CBFB: variants seen among roughly 807,000 people sequenced by gnomAD.
CBFB encodes the protein core-binding factor subunit beta.
In CBFB, 9 loss-of-function variants were observed where a neutral mutation model predicts 30.4. The ratio of observed to expected loss-of-function variants is 0.30; its 90% CI spans 0.18 to 0.52. The LOEUF is 0.52. CBFB is among the 20% of genes least tolerant of loss of function. The pLI is 0.97. For missense variants in CBFB, 170 were observed against 244.0 expected (o/e 0.70, Z 2.02); for synonymous variants, 94 against 84.0 (o/e 1.12, Z -0.65).
At chr16:67,082,126 C>G (rs773015583) in intron 4 of CBFB, 87 bp from the exon 5 acceptor site, 67 of 993,458 alleles carry the variant, frequency 6.7e-5, no homozygotes, top group Admixed American at 9.5e-5. Flanking sequence ...GCCACTGTTT[C>G]AGGAAAAAAA....
intron 4 of CBFB, among the ~76,000 whole-genome samples, chr16:67,075,655 T>C (rs1257200603): frequency 6.6e-6 from 1 of 152,184 alleles, no homozygotes; most frequent in Non-Finnish European, 1.5e-5. Context: ...TCACAAAATA[T>C]GTGCTAGGAC....
At chr16:67,041,364 G>A (rs1195489706) in intron 3 of CBFB, among the ~76,000 whole-genome samples, 1 of 152,210 alleles carries the variant, frequency 6.6e-6, no homozygotes, top group African/African-American at 2.4e-5. Flanking sequence ...CTTGGTGAGA[G>A]ACCAGGGTGG....
intron 5 of CBFB, among the ~76,000 whole-genome samples, chr16:67,083,611 T>C (rs1168075124): frequency 1.3e-5 from 2 of 152,178 alleles, no homozygotes; most frequent in Non-Finnish European, 2.9e-5. Flanking sequence ...TATTTCAGTT[T>C]TTATAGTTAA....
At chr16:67,090,021 G>C (rs1298264145) in intron 5 of CBFB, among the ~76,000 whole-genome samples, 2 of 152,180 alleles carry the variant, frequency 1.3e-5, no homozygotes, top group Non-Finnish European at 2.9e-5. Flanking sequence ...ATTTTGCCAA[G>C]CCATTTTAGA....
intron 3 of CBFB, 28 bp from the exon 4 acceptor site, chr16:67,066,654 A>G (rs368061116): frequency 1.6e-6 from 2 of 1,244,280 alleles, no homozygotes; most frequent in South Asian, 2.4e-5. Context: ...ATGGTTTTCA[A>G]TTATTTTCAT....
intron 5 of CBFB, among the ~76,000 whole-genome samples, chr16:67,098,107 TG>T (rs1285580919): frequency 4.0e-5 from 6 of 148,348 alleles, no homozygotes; most frequent in African/African-American, 1.6e-4. Context: ...AGATTTGTTG[TG>T]GGGTTTTTTG....
At position 67,082,314 on chromosome 16, in the gene CBFB, A is replaced by T; in HGVS notation, c.495+6A>T. ...CTCATCGGGAGGAAATGGAGGTGAG[A>T]GTTTCACAGCTGCTGGCAGTAACTG... On this transcript the variant is annotated splice_donor_region_variant and intron_variant, in intron 5 of 5. Transcript: ENST00000412916. The T allele has an allele frequency of 6.2e-7, 1 of 1,612,476 alleles. No homozygotes were observed. The highest frequency in any genetic ancestry group is 8.5e-7 in the Non-Finnish European group (1 of 1,178,816).
rs182148849 is a variant in CBFB at position 67,041,756 on chromosome 16, C to T, written c.282+5001C>T. On this transcript the variant is annotated intron_variant, in intron 3 of 5. Coordinates refer to ENST00000412916, the MANE Select transcript of CBFB (RefSeq NM_022845.3). ...TTGTGGTGGGAGCTTGTTATTGCAG[C>T]TTGTTTCTTTACTTTTTTTTTTTTT... Among the ~76,000 whole-genome samples, 36 of 137,188 alleles carry T rather than the reference C, an allele frequency of 2.6e-4. No homozygotes were observed. In the East Asian group the frequency reaches 6.0e-3, roughly 23 times the overall value. 90.0% of individuals were successfully genotyped at this position (137,188 alleles called of 152,430 possible).
intron 3 of CBFB, among the ~76,000 whole-genome samples, chr16:67,043,620 A>C (rs988740703): frequency 1.3e-5 from 2 of 152,232 alleles, no homozygotes; most frequent in East Asian, 3.8e-4. Context: ...TAATAGAAAG[A>C]GCTCTAGATT....
chr16:67,031,358 A>G (rs550674728), intron 2 of CBFB, among the ~76,000 whole-genome samples: 2 of 152,344 alleles, frequency 1.3e-5, no homozygotes, highest in Admixed American at 6.5e-5. Flanking sequence ...TGAGTGGTAT[A>G]ATAAAAGAAT....
intron 5 of CBFB, among the ~76,000 whole-genome samples, chr16:67,084,945 T>A (rs897665860): frequency 6.6e-6 from 1 of 152,226 alleles, no homozygotes; most frequent in Non-Finnish European, 1.5e-5. Flanking sequence ...CTGTCTCATA[T>A]GGTCATTGTG....
Position 67,099,099 on chromosome 16 carries a change from A to G in CBFB, c.*321A>G. On this transcript the variant is annotated 3_prime_UTR_variant, in exon 6 of 6. Coordinates refer to ENST00000412916, the MANE Select transcript of CBFB (RefSeq NM_022845.3). The stretch of plus-strand genomic sequence containing the variant: ...TTCTTCCACTTTAATTTAAAAGTTC[A>G]TGTCATTTAAAAACAAGTCAAGAAA... 3.4e-6 allele frequency: 1 copy of G among 292,726 alleles called. No individual in the cohort carries two copies. The highest frequency in any genetic ancestry group is 6.3e-6 in the Non-Finnish European group (1 of 158,754). 18.1% of individuals were successfully genotyped at this position (292,726 alleles called of 1,614,324 possible).
At chr16:67,071,499 C>G (rs555476442) in intron 4 of CBFB, among the ~76,000 whole-genome samples, 2 of 152,110 alleles carry the variant, frequency 1.3e-5, no homozygotes, top group Non-Finnish European at 2.9e-5. Context: ...TCACGGGGAA[C>G]CAAATTGGCT....
intron 4 of CBFB, among the ~76,000 whole-genome samples, chr16:67,081,882 G>A (rs1446142452): frequency 6.8e-6 from 1 of 147,108 alleles, no homozygotes; most frequent in Non-Finnish European, 1.5e-5. Flanking sequence ...GTGCAATGGC[G>A]CAATCTCGGC....
At chr16:67,070,515 T>C (rs1961188849) in intron 4 of CBFB, among the ~76,000 whole-genome samples, 1 of 152,186 alleles carries the variant, frequency 6.6e-6, no homozygotes, top group Non-Finnish European at 1.5e-5. Flanking sequence ...GCAGACTTTA[T>C]TTATATAAGG....
chr16:67,084,764 CGT>C (rs140621189), intron 5 of CBFB, among the ~76,000 whole-genome samples: 5 of 150,722 alleles, frequency 3.3e-5, no homozygotes, highest in Non-Finnish European at 7.4e-5. Flanking sequence ...TGTGTGCATA[CGT>C]GTGTGTGTGT....
rs1962181398 is a variant in CBFB, at chr16:67,100,275, T to G, written c.*1497T>G. Reference sequence around the variant, plus strand: ...GAAGTCTGAATAAGGTCATTGCATTTAAAAAGCATATAACTGTACTTGACT... The same window carrying G: ...GAAGTCTGAATAAGGTCATTGCATTGAAAAAGCATATAACTGTACTTGACT... On this transcript the variant is annotated 3_prime_UTR_variant, in exon 6 of 6. Coordinates refer to ENST00000412916, the MANE Select transcript of CBFB (RefSeq NM_022845.3). 4.5e-6 allele frequency: 1 copy of G among 221,030 alleles called. No individual in the cohort carries two copies. Among genetic ancestry groups the G allele is most frequent in the Non-Finnish European group, 9.1e-6 (1 of 110,294 alleles). The allele number at this position is 221,030 out of a possible 1,614,324, so 13.7% of individuals were successfully genotyped here.
At position 67,036,959 on chromosome 16, in the gene CBFB, C is replaced by T. The variant is rs8051487; in HGVS notation, c.282+204C>T. On this transcript the variant is annotated intron_variant, in intron 3 of 5. Transcript: ENST00000412916. ...TGTTGCCCAGGCTGGAGTGCAGTGG[C>T]GTGATGTTGGTTCACTGCAATCTCC... 0.29 allele frequency among the ~76,000 whole-genome samples: 44,138 copies of T among 151,502 alleles called. 6,884 individuals are homozygous for T. The highest frequency in any genetic ancestry group is 0.4 in the Middle Eastern group (117 of 294).
At chr16:67,079,528 T>TC in intron 4 of CBFB, among the ~76,000 whole-genome samples, 1 of 150,660 alleles carries the variant, frequency 6.6e-6, no homozygotes, top group Non-Finnish European at 1.5e-5. Context: ...TTTTTTTTTT[T>TC]TTTTTTTTTT....
Sources: gnomAD v4.1 joint callset for allele counts (sites outside exome capture counted in the v4.1 genomes callset) on GRCh38, gnomAD v4.1.1 for gene constraint, MANE v1.5 for transcripts, NCBI Gene and HGNC (gene_info 2026-07-23, HGNC 2026-07-21) for gene names.